Variants in MEGF10 observed in about 807,000 individuals in gnomAD.
The protein encoded by MEGF10 is multiple epidermal growth factor-like domains protein 10.
MEGF10 carries 86 observed loss-of-function variants against 147.5 expected under a neutral mutation model. The ratio of observed to expected loss-of-function variants is 0.58; its 90% CI spans 0.49 to 0.70. MEGF10 has a LOEUF of 0.70. MEGF10 is among the 30% of genes least tolerant of loss of function. MEGF10 has a pLI of 0.00. For missense variants in MEGF10, 1,329 were observed against 1,487.3 expected, an observed-to-expected ratio of 0.89 and a Z score of 1.75; for synonymous variants, 478 against 525.5, an observed-to-expected ratio of 0.91 and a Z score of 1.24.
the MEGF10 span, among the ~76,000 whole-genome samples, chr5:127,233,832 C>T: frequency 6.6e-6 from 1 of 152,244 alleles, no homozygotes; most frequent in South Asian, 2.1e-4. Context: ...AAGGCTGAAG[C>T]AGGTGGCCCT....
chr5:127,397,078 G>A (rs1331821730), intron 6 of MEGF10, among the ~76,000 whole-genome samples: 1 of 152,162 alleles, frequency 6.6e-6, no homozygotes, highest in African/African-American at 2.4e-5. Context: ...CTATTTGGGG[G>A]TTGTTGGGGC....
intron 13 of MEGF10, among the ~76,000 whole-genome samples, 189 bp downstream of exon 13, chr5:127,422,961 G>T (rs1765074784): frequency 6.6e-6 from 1 of 152,146 alleles, no homozygotes; most frequent in Non-Finnish European, 1.5e-5. Context: ...TTGTGTAGGG[G>T]CAGTTCTCTT....
Position 127,410,481 on chromosome 5 carries a change from G to T in MEGF10, c.1010G>T (p.Gly337Val). Residue 337 changes from glycine to valine, a missense_variant, in exon 9 of 25, where the codon GGC (glycine) becomes GTC (valine). Transcript: ENST00000503335. ...GGAGGGAAGTGTTACCACGTGAGCGGCGCATGCCTCTGTGAAGCAGGCTTT... is the reference window on the plus strand; with the variant it reads ...GGAGGGAAGTGTTACCACGTGAGCGTCGCATGCCTCTGTGAAGCAGGCTTT... The part of the protein sequence containing the change: ...VNGGKCYHVS[G>V]ACLCEAGFAG... 6.2e-7 allele frequency: 1 copy of T among 1,614,202 alleles called. No individual in the cohort carries two copies. Among genetic ancestry groups the T allele is most frequent in the Non-Finnish European group, 8.5e-7 (1 of 1,180,040 alleles).
At chr5:127,270,594 A>G in the MEGF10 span, among the ~76,000 whole-genome samples, 2 of 152,128 alleles carry the variant, frequency 1.3e-5, no homozygotes, top group Non-Finnish European at 2.9e-5. Context: ...AAGTCCTTAG[A>G]GACTTACAAA....
intron 1 of MEGF10, among the ~76,000 whole-genome samples, chr5:127,306,961 C>T (rs1284845616): frequency 6.6e-6 from 1 of 152,048 alleles, no homozygotes; most frequent in East Asian, 1.9e-4. Flanking sequence ...TTAATGTTTT[C>T]TAATCCTGGA....
chr5:127,434,645 G>T (rs565341270), intron 14 of MEGF10, 42 bp from the exon 15 acceptor site: 2 of 1,555,494 alleles, frequency 1.3e-6, no homozygotes, highest in East Asian at 4.7e-5. Flanking sequence ...CGAGACAAAC[G>T]CATCTCAGAA....
the MEGF10 span, among the ~76,000 whole-genome samples, chr5:127,251,027 A>C: frequency 6.6e-6 from 1 of 152,016 alleles, no homozygotes; most frequent in Admixed American, 6.6e-5. Context: ...ATTTTTGTTG[A>C]GATATCAGTC....
At chr5:127,319,053 C>A (rs1760685920) in intron 1 of MEGF10, among the ~76,000 whole-genome samples, 1 of 147,140 alleles carries the variant, frequency 6.8e-6, no homozygotes, top group East Asian at 2.0e-4. Context: ...CCCTTCCTCC[C>A]TCCCTCCCTT....
intron 1 of MEGF10, among the ~76,000 whole-genome samples, chr5:127,300,914 C>T (rs1055284530): frequency 6.6e-6 from 1 of 152,322 alleles, no homozygotes; most frequent in African/African-American, 2.4e-5. Context: ...AAAACAAATG[C>T]ACCTCTCTAA....
intron 16 of MEGF10, 99 bp from the exon 17 acceptor site, chr5:127,438,340 C>T (rs1419201609): frequency 7.3e-7 from 1 of 1,367,084 alleles, no homozygotes; most frequent in Non-Finnish European, 1.0e-6. Flanking sequence ...ACACTGCTAA[C>T]CTCTCACATG....
chr5:127,281,478 A>G, the MEGF10 span, among the ~76,000 whole-genome samples: 3 of 152,184 alleles, frequency 2.0e-5, no homozygotes, highest in Admixed American at 1.3e-4. Flanking sequence ...CTCGAGTGTC[A>G]GATTATATCC....
intron 8 of MEGF10, among the ~76,000 whole-genome samples, chr5:127,403,694 G>T (rs562845484): frequency 6.6e-6 from 1 of 152,112 alleles, no homozygotes; most frequent in Admixed American, 6.5e-5. Flanking sequence ...AACATGTGAT[G>T]TTTGTCTTTC....
chr5:127,390,217 C>T (rs1018992337), intron 5 of MEGF10, among the ~76,000 whole-genome samples: 1 of 152,136 alleles, frequency 6.6e-6, no homozygotes, highest in Admixed American at 6.5e-5. Context: ...TATGCAGTTG[C>T]TGCATCCTTA....
intron 4 of MEGF10, among the ~76,000 whole-genome samples, chr5:127,361,944 A>C (rs972295049): frequency 8.5e-5 from 13 of 152,172 alleles, no homozygotes; most frequent in Non-Finnish European, 1.8e-4. Flanking sequence ...ATTTCATAGA[A>C]TATAACTTGA....
At chr5:127,278,427 T>G in the MEGF10 span, among the ~76,000 whole-genome samples, 1 of 152,166 alleles carries the variant, frequency 6.6e-6, no homozygotes, top group African/African-American at 2.4e-5. Context: ...ATACTAAGTT[T>G]AGAAATTTAA....
chr5:127,334,296 C>G (rs749579900), intron 2 of MEGF10, among the ~76,000 whole-genome samples: 1 of 152,056 alleles, frequency 6.6e-6, no homozygotes, highest in Non-Finnish European at 1.5e-5. Context: ...CATGCAATCA[C>G]CTGGAGGTTA....
At chr5:127,434,274 A>T (rs1438818695) in intron 14 of MEGF10, among the ~76,000 whole-genome samples, 1 of 151,784 alleles carries the variant, frequency 6.6e-6, no homozygotes, top group African/African-American at 2.4e-5. Flanking sequence ...ATCGATTTTT[A>T]TTGCCAGAAA....
At chr5:127,296,788 G>C (rs1164426850) in intron 1 of MEGF10, among the ~76,000 whole-genome samples, 1 of 152,144 alleles carries the variant, frequency 6.6e-6, no homozygotes, top group Non-Finnish European at 1.5e-5. Flanking sequence ...TTTTTGCTTG[G>C]TGGCACAGAA....
intron 1 of MEGF10, among the ~76,000 whole-genome samples, chr5:127,304,770 CA>C (rs1349819039): frequency 6.6e-6 from 1 of 152,168 alleles, no homozygotes; most frequent in Non-Finnish European, 1.5e-5. Flanking sequence ...TCTGGAGTTA[CA>C]GGGGTGATCC....
Sources: allele counts gnomAD v4.1 joint callset (sites outside exome capture counted in the v4.1 genomes callset), GRCh38; gene constraint gnomAD v4.1.1; transcripts MANE v1.5; gene names NCBI Gene and HGNC (gene_info 2026-07-23, HGNC 2026-07-21).